Variants in USP43 observed in about 807,000 individuals in gnomAD.
USP43 encodes ubiquitin carboxyl-terminal hydrolase 43.
Under a neutral mutation model 90.7 loss-of-function variants are expected in USP43, and 33 were observed. The observed-to-expected ratio is 0.36, with a 90% confidence interval of 0.28 to 0.49. The LOEUF (loss-of-function observed/expected upper bound fraction) is 0.49. Among genes scored for constraint, USP43 ranks in the 20% least tolerant of loss-of-function variants. The pLI is 0.98. For synonymous variants in USP43, 598 were observed against 615.8 expected (o/e 0.97, Z 0.43); for missense variants, 1,274 against 1,476.4 (o/e 0.86, Z 2.25).
At chr17:9,666,082 G>T (rs1224834187) in intron 2 of USP43, among the ~76,000 whole-genome samples, 1 of 152,176 alleles carries the variant, frequency 6.6e-6, no homozygotes, top group Non-Finnish European at 1.5e-5. Flanking sequence ...ACAAGGAAAT[G>T]CAAGGGGAAT....
rs147204000 is a variant in USP43, at chr17:9,664,929, G to A, written c.637-1719G>A. On this transcript the variant is annotated intron_variant, in intron 2 of 14. Transcript: ENST00000285199. ...TGGGATTACAGGCGTGAGCCAGCGC[G>A]CCCAGTCAATATTTATATAGGTACG... Among the ~76,000 whole-genome samples the A allele has an allele frequency of 1.1e-3, 165 of 152,250 alleles. 1 individual carries two copies. Among genetic ancestry groups the A allele is most frequent in the African/African-American group, 3.8e-3 (156 of 41,532 alleles).
intron 2 of USP43, among the ~76,000 whole-genome samples, chr17:9,660,569 C>T (rs913315616): frequency 4.6e-5 from 7 of 152,206 alleles, no homozygotes; most frequent in Admixed American, 4.6e-4. Context: ...GAAATAAGAG[C>T]TTGTCCCTCT....
chr17:9,670,710 G>A (rs976520266), intron 3 of USP43, among the ~76,000 whole-genome samples: 6 of 152,144 alleles, frequency 3.9e-5, no homozygotes, highest in Non-Finnish European at 2.9e-5. Context: ...AATCGGGGGT[G>A]GGGAGGACTT....
At chr17:9,720,863 G>T (rs1187669718) in intron 14 of USP43, among the ~76,000 whole-genome samples, 1 of 152,190 alleles carries the variant, frequency 6.6e-6, no homozygotes, top group Non-Finnish European at 1.5e-5. Flanking sequence ...AGGATGCTAA[G>T]TGTCCTGCAA....
chr17:9,697,032 C>T (rs1915308778), intron 9 of USP43, among the ~76,000 whole-genome samples: 2 of 152,258 alleles, frequency 1.3e-5, no homozygotes, highest in South Asian at 4.1e-4. Flanking sequence ...GCCTGGCCAA[C>T]ATGGTGAAAC....
At chr17:9,655,710 C>T (rs562602515) in intron 1 of USP43, among the ~76,000 whole-genome samples, 114 of 152,240 alleles carry the variant, frequency 7.5e-4, no homozygotes, top group Middle Eastern at 3.4e-3. Context: ...GTTGTATCCC[C>T]GGTCCCTAGA....
chr17:9,678,934 T>C (rs1215698816), intron 5 of USP43, among the ~76,000 whole-genome samples: 1 of 152,056 alleles, frequency 6.6e-6, no homozygotes, highest in African/African-American at 2.4e-5. Flanking sequence ...TAATTACGAG[T>C]CTAAAGCCAA....
chr17:9,680,941 T>A (rs989045893), intron 6 of USP43, among the ~76,000 whole-genome samples: 2 of 148,420 alleles, frequency 1.3e-5, no homozygotes, highest in Admixed American at 7.0e-5. Context: ...GTCCTTTTTA[T>A]TTGTAGATCA....
chr17:9,722,583 A>G (rs974107742), intron 14 of USP43, among the ~76,000 whole-genome samples: 4 of 152,152 alleles, frequency 2.6e-5, no homozygotes, highest in African/African-American at 2.4e-5. Context: ...TTTGCCGCTC[A>G]GGTCACAAAG....
chr17:9,694,824 A>C (rs963099711), intron 9 of USP43, among the ~76,000 whole-genome samples: 8 of 151,998 alleles, frequency 5.3e-5, no homozygotes, highest in Non-Finnish European at 1.2e-4. Context: ...GGGTTTCATC[A>C]TGTTGGTCAG....
chr17:9,712,115 T>C lies in USP43; in HGVS notation c.2318T>C (p.Leu773Pro), dbSNP rs756195589. Reference protein sequence around the residue: ...VPDSPIFTNSLCNQEKGGLEP... With the variant: ...VPDSPIFTNSPCNQEKGGLEP... Reference sequence around the variant, plus strand: ...GACTCTCCCATCTTCACCAACAGCCTCTGCAATCAGGAAAAGGGTATGTTG... The same window carrying C: ...GACTCTCCCATCTTCACCAACAGCCCCTGCAATCAGGAAAAGGGTATGTTG... The change falls in exon 14 of 15, where the codon CTC becomes CCC. Residue 773 changes from leucine (L) to proline (P), a missense_variant. This residue lies in a region of USP43 where 285 missense variants were observed against 349.6 expected (regional missense o/e 0.82). Coordinates refer to ENST00000285199, the MANE Select transcript of USP43 (RefSeq NM_153210.5). The C allele has an allele frequency of 6.3e-7, 1 of 1,594,110 alleles. No homozygotes were observed. The highest frequency in any genetic ancestry group is 8.5e-7 in the Non-Finnish European group (1 of 1,170,280).
At chr17:9,659,117 C>T (rs184099714) in intron 2 of USP43, among the ~76,000 whole-genome samples, 14 of 152,196 alleles carry the variant, frequency 9.2e-5, no homozygotes, top group Admixed American at 6.5e-4. Flanking sequence ...GAAAGGAATG[C>T]TGAGCAGATA....
At chr17:9,665,937 G>T (rs922893783) in intron 2 of USP43, among the ~76,000 whole-genome samples, 3 of 152,178 alleles carry the variant, frequency 2.0e-5, no homozygotes, top group Non-Finnish European at 4.4e-5. Flanking sequence ...CCTCCGGAGG[G>T]AGTGCAGCCC....
At chr17:9,715,697 GTCTGTGTGTGTC>G (rs1486605684) in intron 14 of USP43, among the ~76,000 whole-genome samples, 5 of 117,892 alleles carry the variant, frequency 4.2e-5, no homozygotes, top group African/African-American at 2.6e-4. Context: ...ATGTGTGTGT[GTCTGTGTGTGTC>G]TCTGTGTGTG....
Position 9,728,637 on chromosome 17 carries a change from G to A in USP43, c.3019G>A (p.Glu1007Lys). Residue 1007 changes from glutamate (E) to lysine (K), a missense_variant, in exon 15 of 15, where the codon GAG becomes AAG. By Grantham distance (56) the Glu-to-Lys change is moderately conservative (BLOSUM62 1). Coordinates refer to ENST00000285199, the MANE Select transcript of USP43 (RefSeq NM_153210.5). The surrounding 1 kb of genome is among the most constrained non-coding windows in gnomAD (Gnocchi z 6.2). ...TLLRSVFRKK[E>K]NRRNERAEVS... ...TCTGAGGTCCGTGTTTCGGAAGAAG[G>A]AGAACAGGAGGAATGAGAGGGCAGA... 1 of 1,613,812 alleles carries A rather than the reference G, an allele frequency of 6.2e-7. No individual in the cohort carries two copies. Among genetic ancestry groups the A allele is most frequent in the Admixed American group, 1.7e-5 (1 of 59,998 alleles).
intron 6 of USP43, 55 bp from the exon 7 acceptor site, chr17:9,682,768 C>A: frequency 2.5e-6 from 4 of 1,589,294 alleles, no homozygotes; most frequent in Non-Finnish European, 3.4e-6. Flanking sequence ...AAGGCTCTGA[C>A]CCAGGAAAGC....
intron 14 of USP43, among the ~76,000 whole-genome samples, chr17:9,725,724 A>C (rs373549760): frequency 1.1e-4 from 16 of 152,150 alleles, no homozygotes; most frequent in African/African-American, 3.6e-4. Flanking sequence ...GGCCTCAGAG[A>C]CTTTCCTACC....
intron 14 of USP43, among the ~76,000 whole-genome samples, chr17:9,725,427 G>T (rs1597902018): frequency 6.6e-6 from 1 of 152,098 alleles, no homozygotes; most frequent in Admixed American, 6.5e-5. Flanking sequence ...CTCCCCGGGG[G>T]AGGGGTACCA....
chr17:9,727,827 C>G, intron 14 of USP43, 127 bp from the exon 15 acceptor site: 1 of 1,069,650 alleles, frequency 9.3e-7, no homozygotes, highest in Non-Finnish European at 1.3e-6. Flanking sequence ...TATGTGGCTT[C>G]TTCACTGCTG....
Sources: gnomAD v4.1 joint callset for allele counts (sites outside exome capture counted in the v4.1 genomes callset) on GRCh38, gnomAD v4.1.1 for gene constraint, gnomAD v4.1.1 regional missense constraint, Gnocchi (gnomAD v3.1) non-coding constraint, MANE v1.5 for transcripts, NCBI Gene and HGNC (gene_info 2026-07-23, HGNC 2026-07-21) for gene names.